Variants in YOD1 observed in about 807,000 individuals in gnomAD.
The protein encoded by YOD1 is YOD1 deubiquitinase, also known as ubiquitin thioesterase OTU1.
In YOD1, 17 loss-of-function variants were observed where a neutral mutation model predicts 23.7. The ratio of observed to expected loss-of-function variants is 0.72; its 90% CI spans 0.49 to 1.07. The LOEUF (loss-of-function observed/expected upper bound fraction) is 1.07. YOD1 is among the 50% of genes least tolerant of loss of function. The pLI is 0.00. For synonymous variants in YOD1, 191 were observed against 169.6 expected (o/e 1.13, Z -0.98); for missense variants, 413 against 447.2 (o/e 0.92, Z 0.69).
rs921810133 is a variant in YOD1 at position 207,045,045 on chromosome 1, A to G, written c.*3975T>C. The G allele has an allele frequency of 5.9e-5, 9 of 152,542 alleles. No individual in the cohort carries two copies. Among genetic ancestry groups the G allele is most frequent in the Admixed American group, 1.3e-4 (2 of 15,280 alleles). 9.4% of individuals were successfully genotyped at this position (152,542 alleles called of 1,614,324 possible). A position where few individuals can be genotyped will look rare whatever the true frequency, so the allele number is the denominator to read the frequency against. Reference sequence around the variant, plus strand: ...ATGAAATGTGCTGAAATACTGTAACATAAGAAAACAGCTTTAGTTTATAAA... The same window carrying G: ...ATGAAATGTGCTGAAATACTGTAACGTAAGAAAACAGCTTTAGTTTATAAA... On this transcript the variant is annotated 3_prime_UTR_variant, in exon 2 of 2. Transcript: ENST00000315927.
At position 207,048,276 on chromosome 1, in the gene YOD1, T is replaced by C. The variant is rs1156476652; in HGVS notation, c.*744A>G. 2 of 152,780 alleles carry C rather than the reference T, an allele frequency of 1.3e-5. No individual in the cohort carries two copies. Among genetic ancestry groups the C allele is most frequent in the Non-Finnish European group, 2.9e-5 (2 of 68,038 alleles). The allele number at this position is 152,780 out of a possible 1,614,324, so 9.5% of individuals were successfully genotyped here. A position where few individuals can be genotyped will look rare whatever the true frequency, so the allele number is the denominator to read the frequency against. On this transcript the variant is annotated 3_prime_UTR_variant, in exon 2 of 2. Transcript: ENST00000315927. ...TCCCTCATACATTCTACGTTTTATATGCTAGAGATCTTAAACAGGGCACAA... is the reference window on the plus strand; with the variant it reads ...TCCCTCATACATTCTACGTTTTATACGCTAGAGATCTTAAACAGGGCACAA...
chr1:207,051,733 T>C (rs1261976562), upstream of YOD1, among the ~76,000 whole-genome samples: 2 of 152,340 alleles, frequency 1.3e-5, no homozygotes, highest in East Asian at 3.9e-4. Flanking sequence ...TCATTGCAGT[T>C]GGGAGACAGG....
chr1:207,053,011 T>C (rs1198238882), upstream of YOD1: 1 of 152,230 alleles, frequency 6.6e-6, no homozygotes, highest in African/African-American at 2.4e-5. Flanking sequence ...AAAGTCAAGC[T>C]TTTTATTAAC....
upstream of YOD1, chr1:207,052,383 C>T (rs1682775254): frequency 7.9e-6 from 5 of 632,674 alleles, no homozygotes; most frequent in African/African-American, 1.8e-5. Flanking sequence ...CCGGGGTGGC[C>T]GGGCGCAGTG....
rs61815042 is a variant in YOD1, at chr1:207,048,488, T to C, written c.*532A>G. 0.01 allele frequency: 1,574 copies of C among 154,356 alleles called. 12 individuals are homozygous for C. Among genetic ancestry groups the C allele is most frequent in the Non-Finnish European group, 0.017 (1,161 of 69,192 alleles). 9.6% of individuals were successfully genotyped at this position (154,356 alleles called of 1,614,324 possible). The stretch of plus-strand genomic sequence containing the variant: ...ATTCATAATTTAGAAACTTAACTCA[T>C]TCAGAGTTTTTAAAAAGACTCAGTT... On this transcript the variant is annotated 3_prime_UTR_variant, in exon 2 of 2. Transcript: ENST00000315927.
chr1:207,052,898 G>C (rs1452193706), upstream of YOD1: 1 of 152,240 alleles, frequency 6.6e-6, no homozygotes, highest in East Asian at 1.9e-4. Context: ...GTTCTGCTGG[G>C]ATTCAGGAAT....
Position 207,049,245 on chromosome 1 carries a change from G to A in YOD1, c.822C>T (p.Asn274=), listed in dbSNP as rs1161497777. The A allele has an allele frequency of 6.2e-7, 1 of 1,614,020 alleles. No homozygotes were observed. The highest frequency in any genetic ancestry group is 1.3e-5 in the African/African-American group (1 of 74,912). ...DGIHYDPLQR[N]FPDPDTPPLT... Reference sequence around the variant, plus strand: ...GAGGAGGTGTATCTGGATCAGGGAAGTTACGCTGAAGTGGATCATAGTGGA... The same window carrying A: ...GAGGAGGTGTATCTGGATCAGGGAAATTACGCTGAAGTGGATCATAGTGGA... The change falls in exon 2 of 2, where the codon AAC becomes AAT. Residue 274 remains asparagine, a synonymous_variant. Transcript: ENST00000315927.
In YOD1 at chr1:207,046,310, CA is replaced by C. The variant is rs1682600783; in HGVS notation, c.*2709del. The stretch of plus-strand genomic sequence containing the variant: ...TGAAAGTTGTAAGTCCATAGATTTT[CA>C]AAATTCCCAAGATGAGAATTTACTC... On this transcript the variant is annotated 3_prime_UTR_variant, in exon 2 of 2. Coordinates refer to ENST00000315927, the MANE Select transcript of YOD1 (RefSeq NM_018566.4). 6.6e-6 allele frequency: 1 copy of C among 151,972 alleles called. No homozygotes were observed. Among genetic ancestry groups the C allele is most frequent in the African/African-American group, 2.4e-5 (1 of 41,390 alleles). 9.4% of individuals were successfully genotyped at this position (151,972 alleles called of 1,614,324 possible). A position where few individuals can be genotyped will look rare whatever the true frequency, so the allele number is the denominator to read the frequency against.
At position 207,048,454 on chromosome 1, in the gene YOD1, G is replaced by A. The variant is rs1193565956; in HGVS notation, c.*566C>T. On this transcript the variant is annotated 3_prime_UTR_variant, in exon 2 of 2. Coordinates refer to ENST00000315927, the MANE Select transcript of YOD1 (RefSeq NM_018566.4). ...TGGACAATTCTGAGTATCTTCATTT[G>A]ATGAATCAATTCATAATTTAGAAAC... The A allele has an allele frequency of 2.6e-5, 4 of 153,950 alleles. No homozygotes were observed. The East Asian group carries it at 7.7e-4, about 30-fold the overall frequency. The allele number at this position is 153,950 out of a possible 1,614,324, so 9.5% of individuals were successfully genotyped here.
rs1426141968 is a variant in YOD1, at chr1:207,050,757, C to G, written c.274G>C (p.Gly92Arg). 6.2e-7 allele frequency: 1 copy of G among 1,613,284 alleles called. No homozygotes were observed. The highest frequency in any genetic ancestry group is 1.7e-5 in the Admixed American group (1 of 60,014). The change falls in exon 1 of 2, where the codon GGA (glycine) becomes CGA (arginine). Residue 92 changes from glycine to arginine, a missense_variant. Gly to Arg is a moderately radical substitution (Grantham distance 125, BLOSUM62 -2). Transcript: ENST00000315927. ...IAPGGQRILV[G>R]YPPECLDLSN... Reference sequence around the variant, plus strand: ...AGATCCAGGCACTCGGGAGGGTATCCGACGAGGATTCGCTGACCGCCGGGG... The same window carrying G: ...AGATCCAGGCACTCGGGAGGGTATCGGACGAGGATTCGCTGACCGCCGGGG...
In YOD1 at chr1:207,045,535, A is replaced by G. The variant is rs1682578396; in HGVS notation, c.*3485T>C. On this transcript the variant is annotated 3_prime_UTR_variant, in exon 2 of 2. Coordinates refer to ENST00000315927, the MANE Select transcript of YOD1 (RefSeq NM_018566.4). Reference sequence around the variant, plus strand: ...ATATTTTTTAAAGTGCTGCAAACAAATGTGTCTCCACACATGAAAGAACAT... The same window carrying G: ...ATATTTTTTAAAGTGCTGCAAACAAGTGTGTCTCCACACATGAAAGAACAT... 6.6e-6 allele frequency: 1 copy of G among 152,356 alleles called. No homozygotes were observed. 9.4% of individuals were successfully genotyped at this position (152,356 alleles called of 1,614,324 possible). A position where few individuals can be genotyped will look rare whatever the true frequency, so the allele number is the denominator to read the frequency against.
chr1:207,050,618 T>G, intron 1 of YOD1, 70 bp downstream of exon 1: 2 of 1,589,066 alleles, frequency 1.3e-6, no homozygotes, highest in Non-Finnish European at 1.7e-6. Context: ...CCTTGACTGG[T>G]GTTTTGTTCT....
In YOD1 at chr1:207,048,197, A is replaced by G. The variant is rs1682643713; in HGVS notation, c.*823T>C. ...CAAAGACCAATACATGAATTGCATT[A>G]AAACACGAGGCCAACGGTCTTTTAA... On this transcript the variant is annotated 3_prime_UTR_variant, in exon 2 of 2. Coordinates refer to ENST00000315927, the MANE Select transcript of YOD1 (RefSeq NM_018566.4). 6.6e-6 allele frequency: 1 copy of G among 152,654 alleles called. No homozygotes were observed. Among genetic ancestry groups the G allele is most frequent in the Admixed American group, 6.5e-5 (1 of 15,288 alleles). The allele number at this position is 152,654 out of a possible 1,614,324, so 9.5% of individuals were successfully genotyped here.
chr1:207,053,093 T>A (rs903000920), upstream of YOD1: 2 of 152,260 alleles, frequency 1.3e-5, no homozygotes, highest in Non-Finnish European at 1.5e-5. Context: ...ACTCAGGAGC[T>A]TGTGATCTCT....
intron 1 of YOD1, among the ~76,000 whole-genome samples, chr1:207,050,294 G>C (rs1265680297): frequency 6.6e-6 from 1 of 151,642 alleles, no homozygotes; most frequent in African/African-American, 2.4e-5. Flanking sequence ...CTGCAAAAAT[G>C]AATCAAGAAA....
rs1234981489 is a variant in YOD1, at chr1:207,049,699, T to G, written c.368A>C (p.Asp123Ala). ...AGGTGAACTTCTGGGCCTGGTTTGG[T>G]CTTCTTCAATGATCAGCATGTCACC... ...QSGDMLIIEEDQTRPRSSPAF... is the reference protein window; with the variant it reads ...QSGDMLIIEEAQTRPRSSPAF... The change falls in exon 2 of 2, where the codon GAC (aspartate) becomes GCC (alanine). Residue 123 changes from aspartate to alanine, a missense_variant. Coordinates refer to ENST00000315927, the MANE Select transcript of YOD1 (RefSeq NM_018566.4). The G allele has an allele frequency of 1.9e-6, 3 of 1,613,872 alleles. No individual in the cohort carries two copies. Among genetic ancestry groups the G allele is most frequent in the Non-Finnish European group, 2.5e-6 (3 of 1,179,934 alleles).
upstream of YOD1, among the ~76,000 whole-genome samples, chr1:207,051,921 T>C (rs4844372): frequency 0.35 from 52,538 of 152,172 alleles, 9,702 homozygotes; most frequent in Middle Eastern, 0.47. Flanking sequence ...AGAGGGCAAC[T>C]AGAGCACTCT....
rs146170578 is a variant in YOD1, at chr1:207,049,710, G to C, written c.357C>G (p.Ile119Met). 6.2e-7 allele frequency: 1 copy of C among 1,612,980 alleles called. No individual in the cohort carries two copies. The highest frequency in any genetic ancestry group is 1.1e-5 in the South Asian group (1 of 90,952). ...TGGGCCTGGTTTGGTCTTCTTCAAT[G>C]ATCAGCATGTCACCTGTTAAAAATA... is the stretch of plus-strand genomic sequence containing the variant. ...DLPIQSGDML[I>M]IEEDQTRPRS... Residue 119 changes from isoleucine (I) to methionine (M), a missense_variant, in exon 2 of 2, where the codon ATC becomes ATG. Coordinates refer to ENST00000315927, the MANE Select transcript of YOD1 (RefSeq NM_018566.4).
Position 207,050,698 on chromosome 1 carries a change from G to A in YOD1, c.333C>T (p.Pro111=), listed in dbSNP as rs367980347. ...SNGDTILEDL[P]IQSGDMLIIE... is the part of the protein sequence containing the mutation. Reference sequence around the variant, plus strand: ...GCCCTGATTCCTTACCAGATTGGATGGGCAAGTCTTCCAGAATGGTATCCC... The same window carrying A: ...GCCCTGATTCCTTACCAGATTGGATAGGCAAGTCTTCCAGAATGGTATCCC... Residue 111 remains proline (P), a synonymous_variant, in exon 1 of 2, where the codon CCC becomes CCT. Coordinates refer to ENST00000315927, the MANE Select transcript of YOD1 (RefSeq NM_018566.4). 1.4e-5 allele frequency: 22 copies of A among 1,613,122 alleles called. No homozygotes were observed. Among genetic ancestry groups the A allele is most frequent in the Middle Eastern group, 1.7e-4 (1 of 6,060 alleles).
Sources: gnomAD v4.1 joint callset for allele counts (sites outside exome capture counted in the v4.1 genomes callset) on GRCh38, gnomAD v4.1.1 for gene constraint, MANE v1.5 for transcripts, NCBI Gene and HGNC (gene_info 2026-07-23, HGNC 2026-07-21) for gene names.